RASGEF1C: variants seen among roughly 807,000 people sequenced by gnomAD.
RASGEF1C encodes the protein RasGEF domain family member 1C.
RASGEF1C carries 27 observed loss-of-function variants against 58.1 expected under a neutral mutation model. That is an observed-to-expected ratio of 0.46 (90% CI 0.34 to 0.64). RASGEF1C has a LOEUF of 0.64. Ranked by LOEUF, RASGEF1C falls within the 30% of genes least tolerant of loss-of-function variation. The pLI is 0.01. For missense variants in RASGEF1C, 502 were observed against 605.1 expected, an observed-to-expected ratio of 0.83 and a Z score of 1.79; for synonymous variants, 243 against 246.3, an observed-to-expected ratio of 0.99 and a Z score of 0.13.
At chr5:180,133,709 A>C (rs570636989) in intron 4 of RASGEF1C, among the ~76,000 whole-genome samples, 2 of 150,520 alleles carry the variant, frequency 1.3e-5, no homozygotes, top group East Asian at 3.9e-4. Context: ...AGGACAGGAC[A>C]AACCAGTTCG....
intron 12 of RASGEF1C, among the ~76,000 whole-genome samples, chr5:180,108,943 G>T (rs1765911777): frequency 6.6e-6 from 1 of 152,200 alleles, no homozygotes; most frequent in Non-Finnish European, 1.5e-5. Context: ...CGGGGCTCCA[G>T]GAGGGCCACA....
At chr5:180,146,616 CATTG>C (rs1298503099) in intron 1 of RASGEF1C, among the ~76,000 whole-genome samples, 2 of 151,630 alleles carry the variant, frequency 1.3e-5, no homozygotes, top group African/African-American at 4.9e-5. Context: ...TATTGTATTA[CATTG>C]ATTGATTTTC....
intron 1 of RASGEF1C, among the ~76,000 whole-genome samples, chr5:180,172,435 T>C (rs1446952227): frequency 6.6e-6 from 1 of 152,094 alleles, no homozygotes; most frequent in Admixed American, 6.5e-5. Context: ...CCAGGGGTCA[T>C]GAGGCAGCCA....
intron 7 of RASGEF1C, among the ~76,000 whole-genome samples, chr5:180,119,691 G>A (rs1412304914): frequency 6.6e-6 from 1 of 152,118 alleles, no homozygotes; most frequent in Non-Finnish European, 1.5e-5. Context: ...GAGCTGCTGA[G>A]AGGCACCTTC....
intron 4 of RASGEF1C, among the ~76,000 whole-genome samples, chr5:180,134,821 G>C: frequency 2.6e-4 from 1 of 3,820 alleles, no homozygotes; most frequent in Admixed American, 2.1e-3. Context: ...ATCTACCCTT[G>C]CTTCCTCCTT....
At chr5:180,179,669 G>T (rs755133089) in intron 1 of RASGEF1C, among the ~76,000 whole-genome samples, 2 of 152,250 alleles carry the variant, frequency 1.3e-5, no homozygotes, top group Non-Finnish European at 1.5e-5. Context: ...CGTCAGGTAT[G>T]CAAACTGTGG....
At chr5:180,176,349 C>T (rs1464422222) in intron 1 of RASGEF1C, among the ~76,000 whole-genome samples, 1 of 152,206 alleles carries the variant, frequency 6.6e-6, no homozygotes, top group East Asian at 1.9e-4. Context: ...TGCGAAGACT[C>T]AGCCTCACCT....
At chr5:180,191,450 G>A (rs538586627) in intron 1 of RASGEF1C, among the ~76,000 whole-genome samples, 16 of 152,162 alleles carry the variant, frequency 1.1e-4, no homozygotes, top group Middle Eastern at 3.4e-3. Flanking sequence ...TCCGCCTCCC[G>A]GGTTCACGCC....
Position 180,143,364 on chromosome 5 carries a change from A to G in RASGEF1C, c.-6-5306T>C, listed in dbSNP as rs556286450. 1.5e-4 allele frequency among the ~76,000 whole-genome samples: 23 copies of G among 152,334 alleles called. No homozygotes were observed. The highest frequency in any genetic ancestry group is 5.3e-4 in the African/African-American group (22 of 41,586). The stretch of plus-strand genomic sequence containing the variant: ...GGAGACGGGAAATGTGTGCAGGGAC[A>G]GGGGCACCATGTGGTGCGTTTATAA... On this transcript the variant is annotated intron_variant, in intron 1 of 13. Transcript: ENST00000361132. The surrounding 1 kb of genome is among the most constrained non-coding windows in gnomAD (Gnocchi z 4.3).
chr5:180,156,361 C>T lies in RASGEF1C; in HGVS notation c.-6-18303G>A, dbSNP rs540304776. ...CTGACAAGGCCCCTCCGGGGGAAGT[C>T]GTGAGCAGGGTTGAAAGGGAGTCTT... On this transcript the variant is annotated intron_variant, in intron 1 of 13. Transcript: ENST00000361132. This position sits in a 1 kb window ranked among gnomAD's most constrained non-coding sequence, Gnocchi z 4.9. 1.3e-5 allele frequency among the ~76,000 whole-genome samples: 2 copies of T among 152,248 alleles called. No homozygotes were observed. The highest frequency in any genetic ancestry group is 4.8e-5 in the African/African-American group (2 of 41,532).
In RASGEF1C at chr5:180,153,512, G is replaced by T. The variant is rs577832454; in HGVS notation, c.-6-15454C>A. ...TAGTCATATCAGACAGATTCTGCCA[G>T]TTCATTTGTCATCTACATGGAGAGA... On this transcript the variant is annotated intron_variant, in intron 1 of 13. Coordinates refer to ENST00000361132, the MANE Select transcript of RASGEF1C (RefSeq NM_175062.4). Among the ~76,000 whole-genome samples, 3 of 152,318 alleles carry T rather than the reference G, an allele frequency of 2.0e-5. No homozygotes were observed. The South Asian group carries it at 6.2e-4, about 32-fold the overall frequency.
At chr5:180,195,500 C>T (rs1204239970) in intron 1 of RASGEF1C, among the ~76,000 whole-genome samples, 1 of 152,222 alleles carries the variant, frequency 6.6e-6, no homozygotes, top group African/African-American at 2.4e-5. Context: ...GTGGCTCACG[C>T]CTGTAATCCC....
intron 1 of RASGEF1C, among the ~76,000 whole-genome samples, chr5:180,175,545 G>T (rs975864005): frequency 2.0e-5 from 3 of 152,164 alleles, no homozygotes; most frequent in African/African-American, 7.2e-5. Context: ...CTTGTTGAAG[G>T]AGCCACTCCA....
intron 1 of RASGEF1C, among the ~76,000 whole-genome samples, chr5:180,200,353 A>C (rs1581132411): frequency 1.0e-5 from 1 of 97,226 alleles, no homozygotes; most frequent in Non-Finnish European, 2.0e-5. Flanking sequence ...TCTGTCGCCC[A>C]GGTTGGAGTG....
chr5:180,163,913 G>A (rs759537969), intron 1 of RASGEF1C, among the ~76,000 whole-genome samples: 5 of 152,092 alleles, frequency 3.3e-5, no homozygotes, highest in Non-Finnish European at 5.9e-5. Context: ...GGTCTTTAAC[G>A]GTTATAGGAC....
chr5:180,151,167 A>G (rs1213500854), intron 1 of RASGEF1C, among the ~76,000 whole-genome samples: 2 of 152,216 alleles, frequency 1.3e-5, no homozygotes, highest in East Asian at 3.8e-4. Flanking sequence ...ATTCAATGCC[A>G]TCCCCATCAA....
Position 180,168,549 on chromosome 5 carries a change from A to G in RASGEF1C, c.-6-30491T>C, listed in dbSNP as rs1332468778. Among the ~76,000 whole-genome samples, 1 of 152,218 alleles carries G rather than the reference A, an allele frequency of 6.6e-6. No individual in the cohort carries two copies. Among genetic ancestry groups the G allele is most frequent in the South Asian group, 2.1e-4 (1 of 4,826 alleles). On this transcript the variant is annotated intron_variant, in intron 1 of 13. Transcript: ENST00000361132. This position sits in a 1 kb window ranked among gnomAD's most constrained non-coding sequence, Gnocchi z 6.0. ...CTCTGCATTTCCGTCGTCGAGCCAG[A>G]AAGCTAGGGCTTTCCTTCCTTGGTT...
At chr5:180,203,426 T>G (rs968120032) in intron 1 of RASGEF1C, among the ~76,000 whole-genome samples, 2 of 150,756 alleles carry the variant, frequency 1.3e-5, no homozygotes, top group South Asian at 2.1e-4. Context: ...CAAGTTGAGG[T>G]TGGCCTCCAG....
rs545882554 is a variant in RASGEF1C at position 180,193,513 on chromosome 5, C to T, written c.-7+15515G>A. Among the ~76,000 whole-genome samples, 7 of 152,218 alleles carry T rather than the reference C, an allele frequency of 4.6e-5. No individual in the cohort carries two copies. In the South Asian group the frequency reaches 1.5e-3, roughly 32 times the overall value. The stretch of plus-strand genomic sequence containing the variant: ...AGGGAGGGACATGCAAGGTGACACC[C>T]TAAGGATTGAAGAGCCCAGCCAGGA... On this transcript the variant is annotated intron_variant, in intron 1 of 13. Transcript: ENST00000361132.
Sources: allele counts gnomAD v4.1 joint callset (sites outside exome capture counted in the v4.1 genomes callset), GRCh38; gene constraint gnomAD v4.1.1; non-coding constraint Gnocchi (gnomAD v3.1); transcripts MANE v1.5; gene names NCBI Gene and HGNC (gene_info 2026-07-23, HGNC 2026-07-21).